The following FAM91A1 variants were observed in gnomAD, a reference collection of about 807,000 sequenced individuals.
FAM91A1 encodes the protein protein FAM91A1.
Under a neutral mutation model 113.5 loss-of-function variants are expected in FAM91A1, and 41 were observed. The ratio of observed to expected loss-of-function variants is 0.36; its 90% CI spans 0.28 to 0.47. The LOEUF (loss-of-function observed/expected upper bound fraction) is 0.47. FAM91A1 is among the 20% of genes least tolerant of loss of function. The probability of loss-of-function intolerance (pLI) is 1.00; values close to 1 mark genes in which losing one functional copy is unlikely to be tolerated. For synonymous variants in FAM91A1, 307 were observed against 347.9 expected, an observed-to-expected ratio of 0.88 and a Z score of 1.31; for missense variants, 696 against 1,001.2, an observed-to-expected ratio of 0.70 and a Z score of 4.11.
intron 15 of FAM91A1, 77 bp downstream of exon 15, chr8:123,789,822 C>G: frequency 1.3e-6 from 2 of 1,489,194 alleles, no homozygotes; most frequent in East Asian, 2.4e-5. Flanking sequence ...ATCATGCTCA[C>G]TTATATAATC....
In FAM91A1 at chr8:123,775,070, G is replaced by A. The variant is rs188207462; in HGVS notation, c.158-77G>A. 6,399 of 1,336,232 alleles carry A rather than the reference G, an allele frequency of 4.8e-3. 29 individuals are homozygous for A. Among genetic ancestry groups the A allele is most frequent in the Middle Eastern group, 0.01 (37 of 3,568 alleles). The allele number at this position is 1,336,232 out of a possible 1,614,324, so 82.8% of individuals were successfully genotyped here. Reference sequence around the variant, plus strand: ...ATACTTTTCTTTTAAATTACTGTTGGTTTGTAAAGTGTTCATAGTTAATAT... The same window carrying A: ...ATACTTTTCTTTTAAATTACTGTTGATTTGTAAAGTGTTCATAGTTAATAT... On this transcript the variant is annotated intron_variant, in intron 2 of 23. Coordinates refer to ENST00000334705, the MANE Select transcript of FAM91A1 (RefSeq NM_144963.4).
chr8:123,805,977 A>G, intron 19 of FAM91A1, 103 bp from the exon 20 acceptor site: 1 of 1,116,042 alleles, frequency 9.0e-7, no homozygotes, highest in Non-Finnish European at 1.2e-6. Flanking sequence ...GATGTATTAA[A>G]GTATAAAAGT....
Position 123,799,389 on chromosome 8 carries a change from A to T in FAM91A1, c.1561-131A>T, listed in dbSNP as rs779470033. 6.4e-6 allele frequency: 5 copies of T among 780,984 alleles called. No homozygotes were observed. In the South Asian group the frequency reaches 1.2e-4, roughly 18 times the overall value. 48.4% of individuals were successfully genotyped at this position (780,984 alleles called of 1,614,324 possible). Reference sequence around the variant, plus strand: ...AAAATTGAAACTATTTTAATGAAACATTTAAAGTTATTTTCTTGAGGATAG... The same window carrying T: ...AAAATTGAAACTATTTTAATGAAACTTTTAAAGTTATTTTCTTGAGGATAG... On this transcript the variant is annotated intron_variant, in intron 16 of 23. Transcript: ENST00000334705.
chr8:123,769,540 G>A (rs566788439), intron 1 of FAM91A1, among the ~76,000 whole-genome samples: 95 of 152,326 alleles, frequency 6.2e-4, no homozygotes, highest in South Asian at 1.7e-3. Context: ...TTCAACAAGA[G>A]TGACATGAGG....
intron 22 of FAM91A1, 114 bp downstream of exon 22, chr8:123,809,130 T>C (rs975990448): frequency 6.4e-5 from 89 of 1,397,766 alleles, no homozygotes; most frequent in Non-Finnish European, 8.1e-5. Context: ...TCTGTATATA[T>C]TTGTTGATTG....
Position 123,805,351 on chromosome 8 carries a change from A to G in FAM91A1, c.1882+12A>G, listed in dbSNP as rs1335845366. On this transcript the variant is annotated intron_variant, in intron 19 of 23. Transcript: ENST00000334705. ...AGAACTACAAGGAGGTACCTTTTGA[A>G]TTGTATCTATTGACTTTTTTTTTTT... 5 of 1,583,828 alleles carry G rather than the reference A, an allele frequency of 3.2e-6. No homozygotes were observed. The highest frequency in any genetic ancestry group is 1.4e-5 in the African/African-American group (1 of 72,334).
intron 18 of FAM91A1, among the ~76,000 whole-genome samples, chr8:123,804,742 A>C (rs11998231): frequency 0.12 from 18,415 of 152,038 alleles, 1,957 homozygotes; most frequent in African/African-American, 0.29. Flanking sequence ...TTCATTTATG[A>C]ACCTCCATTG....
chr8:123,784,047 G>T (rs939214071), intron 8 of FAM91A1, among the ~76,000 whole-genome samples: 1 of 152,190 alleles, frequency 6.6e-6, no homozygotes, highest in Non-Finnish European at 1.5e-5. Context: ...TTCGTATAGC[G>T]TAGCAACTCT....
In FAM91A1 at chr8:123,808,951, C is replaced by A. The variant is rs1298165909; in HGVS notation, c.2196C>A (p.Phe732Leu). 3 of 1,612,940 alleles carry A rather than the reference C, an allele frequency of 1.9e-6. No homozygotes were observed. Among genetic ancestry groups the A allele is most frequent in the Non-Finnish European group, 2.5e-6 (3 of 1,179,442 alleles). ...PLELCFGIPL[F>L]SSELNRKVCR... is the part of the protein sequence containing the mutation. ...AGCTGTGCTTTGGAATTCCACTGTT[C>A]AGTTCCGAATTAAACCGGAAAGTTT... The change falls in exon 22 of 24, where the codon TTC (phenylalanine) becomes TTA (leucine). Residue 732 changes from phenylalanine to leucine, a missense_variant. Transcript: ENST00000334705.
At chr8:123,790,243 T>C (rs947067550) in intron 15 of FAM91A1, among the ~76,000 whole-genome samples, 2 of 152,174 alleles carry the variant, frequency 1.3e-5, no homozygotes, top group Admixed American at 1.3e-4. Flanking sequence ...AATTTTAAGG[T>C]ATTGATGAAC....
intron 1 of FAM91A1, among the ~76,000 whole-genome samples, chr8:123,771,020 G>T (rs1814824513): frequency 6.6e-6 from 1 of 152,088 alleles, no homozygotes; most frequent in Non-Finnish European, 1.5e-5. Flanking sequence ...GCTACTCTGG[G>T]GGTGAGGCTT....
At chr8:123,812,460 A>T in intron 23 of FAM91A1, 59 bp from the exon 24 acceptor site, 1 of 1,420,364 alleles carries the variant, frequency 7.0e-7, no homozygotes, top group Non-Finnish European at 9.5e-7. Flanking sequence ...CTCATTAGTT[A>T]TATTAAGTGG....
At chr8:123,770,072 C>G (rs2130026340) in intron 1 of FAM91A1, among the ~76,000 whole-genome samples, 1 of 152,334 alleles carries the variant, frequency 6.6e-6, no homozygotes, top group African/African-American at 2.4e-5. Flanking sequence ...CCTGCCTCAG[C>G]CTCCCGAGTA....
intron 23 of FAM91A1, chr8:123,812,026 C>A (rs1336661391): frequency 6.6e-6 from 1 of 152,202 alleles, no homozygotes; most frequent in African/African-American, 2.4e-5. Flanking sequence ...CATGTGCCAC[C>A]ACACCCAGCT....
intron 18 of FAM91A1, among the ~76,000 whole-genome samples, chr8:123,801,799 G>GT (rs1815688021): frequency 2.1e-5 from 3 of 141,720 alleles, no homozygotes; most frequent in African/African-American, 8.2e-5. Flanking sequence ...TCTGGGCAAG[G>GT]ATTTTTTTTT....
chr8:123,774,086 G>A lies in FAM91A1; in HGVS notation c.79G>A (p.Gly27Arg). 1.2e-6 allele frequency: 2 copies of A among 1,605,028 alleles called. No individual in the cohort carries two copies. The highest frequency in any genetic ancestry group is 1.7e-6 in the Non-Finnish European group (2 of 1,176,322). Residue 27 changes from glycine (G) to arginine (R), a missense_variant, in exon 2 of 24, where the codon GGA becomes AGA. By Grantham distance (125) the Gly-to-Arg change is moderately radical. Transcript: ENST00000334705. ...KLPANVRQSLGNSQREYEKQV... is the reference protein window; with the variant it reads ...KLPANVRQSLRNSQREYEKQV... ...TTTTTGAAATTTCTCCTAGAGTCTTGGAAATTCACAGAGAGAATATGAAAA... is the reference window on the plus strand; with the variant it reads ...TTTTTGAAATTTCTCCTAGAGTCTTAGAAATTCACAGAGAGAATATGAAAA...
chr8:123,778,917 T>G, intron 6 of FAM91A1, 145 bp downstream of exon 6: 2 of 557,922 alleles, frequency 3.6e-6, no homozygotes, highest in Non-Finnish European at 3.0e-6. Context: ...ATGATCTTAG[T>G]AGACTAGAAT....
At chr8:123,774,191 G>A (rs1365484738) in intron 2 of FAM91A1, 27 bp downstream of exon 2, 1 of 1,531,848 alleles carries the variant, frequency 6.5e-7, no homozygotes, top group Non-Finnish European at 8.9e-7. Context: ...TTATATTGGG[G>A]TGGAACTGAC....
intron 15 of FAM91A1, among the ~76,000 whole-genome samples, chr8:123,795,236 G>A (rs911797070): frequency 1.3e-5 from 2 of 152,174 alleles, no homozygotes; most frequent in African/African-American, 4.8e-5. Flanking sequence ...TGACCGAGAG[G>A]CAGCAGATGA....
Sources: gnomAD v4.1 joint callset for allele counts (sites outside exome capture counted in the v4.1 genomes callset) on GRCh38, gnomAD v4.1.1 for gene constraint, MANE v1.5 for transcripts, NCBI Gene and HGNC (gene_info 2026-07-23, HGNC 2026-07-21) for gene names.